The following GABRA3 variants were observed in gnomAD, a reference collection of about 807,000 sequenced individuals.
GABRA3 encodes gamma-aminobutyric acid receptor subunit alpha-3.
Under a neutral mutation model 30.1 loss-of-function variants are expected in GABRA3, and 10 were observed. That is an observed-to-expected ratio of 0.33 (90% CI 0.20 to 0.56). GABRA3 has a LOEUF of 0.56. Among genes scored for constraint, GABRA3 ranks in the 20% least tolerant of loss-of-function variants. The pLI is 0.89. For synonymous variants in GABRA3, 151 were observed against 146.8 expected (o/e 1.03, Z -0.21); for missense variants, 233 against 392.0 (o/e 0.59, Z 3.42).
intron 2 of GABRA3, among the ~76,000 whole-genome samples, chrX:152,348,501 C>T (rs139703529): frequency 1.2e-4 from 13 of 111,194 alleles, no homozygotes; most frequent in African/African-American, 4.2e-4. Context: ...AAGGTTATGC[C>T]AAGTTTAGTC....
chrX:152,287,607 G>A (rs139909508), intron 3 of GABRA3, among the ~76,000 whole-genome samples: 122 of 110,998 alleles, frequency 1.1e-3, no homozygotes, highest in African/African-American at 3.7e-3. Flanking sequence ...ACCCAGTCTC[G>A]GATATTTCTT....
intron 1 of GABRA3, among the ~76,000 whole-genome samples, chrX:152,380,286 G>T (rs1929108065): frequency 1.8e-5 from 2 of 111,285 alleles, no homozygotes; most frequent in African/African-American, 3.3e-5. Context: ...TCTCTGGTAA[G>T]TATCATTCTA....
At chrX:152,301,378 C>T (rs1360550337) in intron 3 of GABRA3, among the ~76,000 whole-genome samples, 2 of 111,659 alleles carry the variant, frequency 1.8e-5, no homozygotes, top group African/African-American at 3.3e-5. Context: ...TTTCTTTGGG[C>T]TCAAGAGAAA....
chrX:152,254,445 A>C (rs946069835), intron 5 of GABRA3, among the ~76,000 whole-genome samples: 1 of 109,686 alleles, frequency 9.1e-6, no homozygotes, highest in Non-Finnish European at 1.9e-5. Flanking sequence ...TCATTTCTCC[A>C]ATATACATGC....
At chrX:152,267,085 G>C (rs1311614078) in intron 4 of GABRA3, among the ~76,000 whole-genome samples, 2 of 112,258 alleles carry the variant, frequency 1.8e-5, no homozygotes, top group African/African-American at 6.5e-5. Context: ...TAAAAACAAA[G>C]TGGAACAAAT....
chrX:152,230,287 A>G (rs1938042664), intron 5 of GABRA3, among the ~76,000 whole-genome samples: 1 of 111,834 alleles, frequency 8.9e-6, no homozygotes, highest in African/African-American at 3.2e-5. Context: ...AACCAAAAGA[A>G]TATAAGAGAA....
In GABRA3 at chrX:152,418,954, T is replaced by G. The variant is rs868596477; in HGVS notation, c.-27+32192A>C. Among the ~76,000 whole-genome samples, 7 of 111,790 alleles carry G rather than the reference T, an allele frequency of 6.3e-5. No homozygotes were observed. The South Asian group carries it at 2.6e-3, about 42-fold the overall frequency. ...GGCACATATACACCATGGAATACTA[T>G]GCAGCCATAAAAAAGGATGAGCTCA... On this transcript the variant is annotated intron_variant, in intron 1 of 9. Transcript: ENST00000370314.
intron 3 of GABRA3, among the ~76,000 whole-genome samples, chrX:152,302,061 C>T (rs747229436): frequency 9.1e-6 from 1 of 110,277 alleles, no homozygotes; most frequent in African/African-American, 3.3e-5. Context: ...TCTAAAAAGA[C>T]AATATATGAA....
intron 6 of GABRA3, among the ~76,000 whole-genome samples, chrX:152,224,411 A>T (rs1438000478): frequency 8.9e-6 from 1 of 111,949 alleles, no homozygotes; most frequent in East Asian, 2.8e-4. Flanking sequence ...ATTCTGTTTG[A>T]CATATCTTGT....
At chrX:152,308,673 G>A (rs1317554937) in intron 3 of GABRA3, among the ~76,000 whole-genome samples, 2 of 112,165 alleles carry the variant, frequency 1.8e-5, no homozygotes, top group Admixed American at 1.9e-4. Flanking sequence ...TCAAAGATTA[G>A]AGGAACACCA....
chrX:152,428,289 A>G (rs912924501), intron 1 of GABRA3, among the ~76,000 whole-genome samples: 1 of 111,994 alleles, frequency 8.9e-6, no homozygotes, highest in African/African-American at 3.3e-5. Context: ...GCAGACAGTG[A>G]TTCAGAGCCC....
At chrX:152,337,150 G>C (rs1339257385) in intron 3 of GABRA3, among the ~76,000 whole-genome samples, 1 of 111,806 alleles carries the variant, frequency 8.9e-6, no homozygotes, top group Non-Finnish European at 1.9e-5. Flanking sequence ...AGTTTGTAAA[G>C]ATTAAATCAG....
chrX:152,411,429 T>C (rs1603256246), intron 1 of GABRA3, among the ~76,000 whole-genome samples: 1 of 111,321 alleles, frequency 9.0e-6, no homozygotes, highest in East Asian at 2.8e-4. Flanking sequence ...AACAGTATAT[T>C]TGAGCAGCGG....
chrX:152,447,404 T>A (rs947752361), intron 1 of GABRA3, among the ~76,000 whole-genome samples: 2 of 111,798 alleles, frequency 1.8e-5, no homozygotes, highest in Non-Finnish European at 3.8e-5. Flanking sequence ...CTATCCACTG[T>A]AAGAAATTTT....
In GABRA3 at chrX:152,263,830, C is replaced by T. The variant is rs1051666659; in HGVS notation, c.331-7832G>A. On this transcript the variant is annotated intron_variant, in intron 4 of 9. Transcript: ENST00000370314. ...AAAAATAAAGAAATAATTATAAAAG[C>T]AGCTAGAGAAAAGAAACAACATGCA... is the stretch of plus-strand genomic sequence containing the variant. Among the ~76,000 whole-genome samples, 3 of 111,526 alleles carry T rather than the reference C, an allele frequency of 2.7e-5. No homozygotes were observed. The East Asian group carries it at 8.4e-4, about 31-fold the overall frequency.
chrX:152,412,068 G>T (rs1023723584), intron 1 of GABRA3, among the ~76,000 whole-genome samples: 3 of 110,830 alleles, frequency 2.7e-5, no homozygotes, highest in Non-Finnish European at 5.7e-5. Flanking sequence ...ACAAGCACAC[G>T]AAAAAATGTT....
intron 1 of GABRA3, among the ~76,000 whole-genome samples, chrX:152,430,649 T>A (rs1930629115): frequency 9.0e-6 from 1 of 111,548 alleles, no homozygotes; most frequent in African/African-American, 3.3e-5. Flanking sequence ...CAGTATTGCA[T>A]CTATGAAAAA....
intron 3 of GABRA3, among the ~76,000 whole-genome samples, chrX:152,288,717 T>C (rs915993028): frequency 6.3e-5 from 7 of 111,947 alleles, no homozygotes; most frequent in African/African-American, 2.3e-4. Flanking sequence ...CTGAAACTCA[T>C]GAGGGCCACA....
chrX:152,211,103 T>G (rs1220635695), intron 6 of GABRA3, among the ~76,000 whole-genome samples: 2 of 110,788 alleles, frequency 1.8e-5, no homozygotes, highest in African/African-American at 6.6e-5. Context: ...TTCAGATGGT[T>G]GTAACACTTT....
Sources: gnomAD v4.1 joint callset for allele counts (sites outside exome capture counted in the v4.1 genomes callset) on GRCh38, gnomAD v4.1.1 for gene constraint, MANE v1.5 for transcripts, NCBI Gene and HGNC (gene_info 2026-07-23, HGNC 2026-07-21) for gene names.